DNAH11: variants seen among roughly 807,000 people sequenced by gnomAD.
DNAH11 encodes the protein dynein axonemal heavy chain 11, also known as axonemal beta dynein heavy chain 11.
A neutral mutation model predicts 526.0 loss-of-function variants in DNAH11; 442 were observed. That is an observed-to-expected ratio of 0.84 (90% CI 0.78 to 0.91). The LOEUF (loss-of-function observed/expected upper bound fraction) is 0.91, where lower values mean the gene tolerates loss of function less well. Among genes scored for constraint, DNAH11 ranks in the 40% least tolerant of loss-of-function variants. The pLI is 0.00. For missense variants in DNAH11, 6,989 were observed against 5,448.7 expected (o/e 1.28, Z -8.90); for synonymous variants, 2,461 against 1,935.9 (o/e 1.27, Z -7.12).
At chr7:21,854,796 G>A (rs1405841584) in intron 68 of DNAH11, among the ~76,000 whole-genome samples, 2 of 151,992 alleles carry the variant, frequency 1.3e-5, no homozygotes, top group African/African-American at 4.8e-5. Context: ...CCCCTCCTTG[G>A]CCTCCCAGAG....
At chr7:21,580,756 A>C (rs374635599) in intron 8 of DNAH11, among the ~76,000 whole-genome samples, 13 of 152,290 alleles carry the variant, frequency 8.5e-5, no homozygotes, top group African/African-American at 1.4e-4. Flanking sequence ...GTCACCCCTG[A>C]AAGCACCACT....
intron 61 of DNAH11, among the ~76,000 whole-genome samples, chr7:21,796,500 C>A (rs1458354995): frequency 6.6e-6 from 1 of 152,118 alleles, no homozygotes; most frequent in Non-Finnish European, 1.5e-5. Context: ...GGGTTATAAA[C>A]AGTTTATAAA....
chr7:21,879,671 C>T (rs1380531471), intron 74 of DNAH11, among the ~76,000 whole-genome samples: 1 of 152,150 alleles, frequency 6.6e-6, no homozygotes, highest in Non-Finnish European at 1.5e-5. Context: ...TTTTTTCTCA[C>T]ACATATTAGG....
chr7:21,619,132 G>C lies in DNAH11; in HGVS notation c.4287G>C (p.Leu1429Phe), dbSNP rs769836332. The part of the protein sequence containing the change: ...VKFLINEATT[L>F]ADLLALRLHR... ...TTTTAATAAATGAAGCCACAACTTT[G>C]GCAGATTTGTTAGCACTGCGGTTAC... Residue 1429 changes from leucine (L) to phenylalanine (F), a missense_variant, in exon 24 of 82, where the codon TTG (leucine) becomes TTC (phenylalanine). Coordinates refer to ENST00000409508, the MANE Select transcript of DNAH11 (RefSeq NM_001277115.2). 9.3e-6 allele frequency: 15 copies of C among 1,613,478 alleles called. No individual in the cohort carries two copies. Among genetic ancestry groups the C allele is most frequent in the South Asian group, 6.6e-5 (6 of 91,066 alleles).
chr7:21,677,397 T>C (rs1199389533), intron 30 of DNAH11, among the ~76,000 whole-genome samples: 1 of 152,164 alleles, frequency 6.6e-6, no homozygotes, highest in Non-Finnish European at 1.5e-5. Flanking sequence ...TTTTTTATTT[T>C]TTGAGACAGA....
At chr7:21,581,790 A>G in intron 8 of DNAH11, 115 bp from the exon 9 acceptor site, 1 of 654,026 alleles carries the variant, frequency 1.5e-6, no homozygotes, top group Non-Finnish European at 2.7e-6. Flanking sequence ...AAATAAATTC[A>G]CTCAGAGACA....
chr7:21,798,298 G>A (rs998472669), intron 61 of DNAH11, among the ~76,000 whole-genome samples: 40 of 152,164 alleles, frequency 2.6e-4, no homozygotes, highest in Non-Finnish European at 4.7e-4. Context: ...GTTTCACCCT[G>A]CTGGCCAAGC....
chr7:21,684,091 A>G (rs1189682289), intron 32 of DNAH11, 147 bp downstream of exon 32: 5 of 858,840 alleles, frequency 5.8e-6, no homozygotes, highest in Admixed American at 5.9e-5. Context: ...AAACAGAGTT[A>G]CAGAAGCTAT....
chr7:21,856,974 A>G (rs1782876812), intron 68 of DNAH11, among the ~76,000 whole-genome samples: 1 of 152,238 alleles, frequency 6.6e-6, no homozygotes, highest in South Asian at 2.1e-4. Context: ...ACTGGAAGTT[A>G]TAGTCGGTAC....
intron 62 of DNAH11, among the ~76,000 whole-genome samples, chr7:21,803,818 TG>T (rs1307041489): frequency 6.7e-6 from 1 of 149,782 alleles, no homozygotes; most frequent in East Asian, 2.0e-4. Context: ...AAGTGGGGAA[TG>T]GGGCTGTCAT....
intron 49 of DNAH11, among the ~76,000 whole-genome samples, chr7:21,742,904 A>G (rs1386666762): frequency 1.3e-5 from 2 of 152,166 alleles, no homozygotes; most frequent in Non-Finnish European, 2.9e-5. Flanking sequence ...TGGGAAGTCC[A>G]TGATTAAGGC....
At chr7:21,599,120 C>G (rs1027748740) in intron 14 of DNAH11, among the ~76,000 whole-genome samples, 1 of 152,154 alleles carries the variant, frequency 6.6e-6, no homozygotes, top group African/African-American at 2.4e-5. Context: ...ATTGCTGGGT[C>G]AAATGATATT....
intron 36 of DNAH11, among the ~76,000 whole-genome samples, chr7:21,699,499 C>CCA (rs1783978420): frequency 6.6e-6 from 1 of 152,120 alleles, no homozygotes; most frequent in Non-Finnish European, 1.5e-5. Flanking sequence ...ACAGTTGCAA[C>CCA]CACACAGTTA....
At chr7:21,716,809 T>G (rs1784683425) in intron 42 of DNAH11, among the ~76,000 whole-genome samples, 1 of 152,318 alleles carries the variant, frequency 6.6e-6, no homozygotes, top group East Asian at 1.9e-4. Flanking sequence ...TGAAAAAGTT[T>G]TGACAGTTGA....
At position 21,591,415 on chromosome 7, in the gene DNAH11, G is replaced by C; in HGVS notation, c.2505G>C (p.Lys835Asn). 1 of 1,613,952 alleles carries C rather than the reference G, an allele frequency of 6.2e-7. No individual in the cohort carries two copies. The highest frequency in any genetic ancestry group is 8.5e-7 in the Non-Finnish European group (1 of 1,179,884). ...TTGAGCGCACACAGAAAAACGTGAAGGTGATCCAGCAGACCATGAGGGGCT... is the reference window on the plus strand; with the variant it reads ...TTGAGCGCACACAGAAAAACGTGAACGTGATCCAGCAGACCATGAGGGGCT... ...HRVERTQKNV[K>N]VIQQTMRGWA... is the part of the protein sequence containing the mutation. The change falls in exon 14 of 82, where the codon AAG becomes AAC. Residue 835 changes from lysine (K) to asparagine (N), a missense_variant. Physicochemically the swap from Lys to Asn is moderately conservative, Grantham distance 94. Coordinates refer to ENST00000409508, the MANE Select transcript of DNAH11 (RefSeq NM_001277115.2).
At position 21,544,332 on chromosome 7, in the gene DNAH11, A is replaced by G. The variant is rs527420713; in HGVS notation, c.352-674A>G. On this transcript the variant is annotated intron_variant, in intron 1 of 81. Coordinates refer to ENST00000409508, the MANE Select transcript of DNAH11 (RefSeq NM_001277115.2). ...TTTTATCACTAGGTGTGGTCATTGT[A>G]ATAGTTGGGAAATAGGATCTCAGAG... is the stretch of plus-strand genomic sequence containing the variant. 2.0e-5 allele frequency among the ~76,000 whole-genome samples: 3 copies of G among 152,350 alleles called. No individual in the cohort carries two copies. In the South Asian group the frequency reaches 6.2e-4, roughly 32 times the overall value.
At chr7:21,873,784 C>CTTTGTTT (rs1783590985) in intron 74 of DNAH11, among the ~76,000 whole-genome samples, 1 of 70,700 alleles carries the variant, frequency 1.4e-5, no homozygotes, top group Non-Finnish European at 2.3e-5. Context: ...GAGGAGGTTG[C>CTTTGTTT]TTTTTTTTTT....
intron 35 of DNAH11, among the ~76,000 whole-genome samples, chr7:21,692,171 A>G (rs1192341838): frequency 6.6e-6 from 1 of 152,152 alleles, no homozygotes; most frequent in Admixed American, 6.6e-5. Flanking sequence ...TTAGAGAAAG[A>G]GAGATCAGGT....
chr7:21,778,521 C>T (rs1444518910), intron 56 of DNAH11, among the ~76,000 whole-genome samples: 3 of 152,106 alleles, frequency 2.0e-5, no homozygotes, highest in Non-Finnish European at 4.4e-5. Flanking sequence ...GCATTCATGT[C>T]GTCAACTTAC....
Sources: gnomAD v4.1 joint callset for allele counts (sites outside exome capture counted in the v4.1 genomes callset) on GRCh38, gnomAD v4.1.1 for gene constraint, MANE v1.5 for transcripts, NCBI Gene and HGNC (gene_info 2026-07-23, HGNC 2026-07-21) for gene names.